The following ARFIP1 variants were observed in gnomAD, a reference collection of about 807,000 sequenced individuals.
ARFIP1 encodes arfaptin-1.
In ARFIP1, 24 loss-of-function variants were observed where a neutral mutation model predicts 42.5. The observed-to-expected ratio is 0.57, with a 90% CI of 0.41 to 0.80. The LOEUF (loss-of-function observed/expected upper bound fraction) is 0.80. Ranked by LOEUF, ARFIP1 falls within the 30% of genes least tolerant of loss-of-function variation. The probability of loss-of-function intolerance (pLI) is 0.00; values close to 1 mark genes in which losing one functional copy is unlikely to be tolerated. For missense variants in ARFIP1, 354 were observed against 434.0 expected (o/e 0.82, Z 1.64); for synonymous variants, 141 against 153.7 (o/e 0.92, Z 0.61).
At chr4:152,894,314 C>T (rs1338785128) in intron 8 of ARFIP1, among the ~76,000 whole-genome samples, 6 of 151,820 alleles carry the variant, frequency 4.0e-5, no homozygotes, top group Admixed American at 3.3e-4. Flanking sequence ...TCTTTGCTTA[C>T]TAAAACTTCT....
chr4:152,862,255 G>A (rs540598260), intron 2 of ARFIP1, among the ~76,000 whole-genome samples: 45 of 152,046 alleles, frequency 3.0e-4, no homozygotes, highest in Admixed American at 2.3e-3. Context: ...TCCCTCCAGC[G>A]TTCCATATCA....
At chr4:152,815,268 G>C (rs75020592) in intron 1 of ARFIP1, among the ~76,000 whole-genome samples, 2,491 of 152,078 alleles carry the variant, frequency 0.016, 68 homozygotes, top group African/African-American at 0.056. Context: ...TGGCTGCTTT[G>C]GGATTGCAAC....
intron 1 of ARFIP1, among the ~76,000 whole-genome samples, chr4:152,817,270 C>T (rs971252223): frequency 4.6e-5 from 7 of 152,104 alleles, no homozygotes; most frequent in Admixed American, 2.6e-4. Context: ...AACTTAACTC[C>T]AGTAGCCACA....
chr4:152,883,777 A>AT (rs1287302314), intron 7 of ARFIP1, among the ~76,000 whole-genome samples: 7 of 151,422 alleles, frequency 4.6e-5, no homozygotes, highest in Admixed American at 1.3e-4. Context: ...TCCAGGCCCA[A>AT]TTTTTTCCCC....
At chr4:152,908,407 C>G (rs59092007) in intron 8 of ARFIP1, among the ~76,000 whole-genome samples, 6 of 152,106 alleles carry the variant, frequency 3.9e-5, no homozygotes, top group Non-Finnish European at 7.4e-5. Flanking sequence ...GGGCAGATCA[C>G]GAGACGGTCT....
At chr4:152,820,464 TG>T (rs1345895239) in intron 1 of ARFIP1, among the ~76,000 whole-genome samples, 3 of 152,134 alleles carry the variant, frequency 2.0e-5, no homozygotes, top group Non-Finnish European at 4.4e-5. Context: ...TATCTGAGAC[TG>T]GGTAATTTAT....
intron 3 of ARFIP1, among the ~76,000 whole-genome samples, chr4:152,864,127 T>C (rs1734122212): frequency 6.6e-6 from 1 of 152,342 alleles, no homozygotes; most frequent in South Asian, 2.1e-4. Flanking sequence ...ACCACACTCA[T>C]TAAAAGTTTG....
intron 2 of ARFIP1, among the ~76,000 whole-genome samples, chr4:152,854,437 A>C (rs1240412219): frequency 6.6e-6 from 1 of 152,054 alleles, no homozygotes; most frequent in Admixed American, 6.5e-5. Context: ...GAGAATCAGT[A>C]GTTTGAATTC....
chr4:152,865,674 A>T lies in ARFIP1; in HGVS notation c.202+1960A>T, dbSNP rs556368078. Among the ~76,000 whole-genome samples the T allele has an allele frequency of 8.7e-4, 133 of 152,214 alleles. 2 individuals carry two copies. The highest frequency in any genetic ancestry group is 8.7e-3 in the Admixed American group (133 of 15,286). ...CAATCACGTCAGTGTCTTAGTAGTC[A>T]TTCTGAAGCATCATGGCATTCTTAT... On this transcript the variant is annotated intron_variant, in intron 3 of 8. Transcript: ENST00000353617.
intron 1 of ARFIP1, among the ~76,000 whole-genome samples, chr4:152,825,224 C>G (rs1279556057): frequency 6.6e-6 from 1 of 151,688 alleles, no homozygotes; most frequent in Non-Finnish European, 1.5e-5. Context: ...CATATGGAAC[C>G]AAAAAAGAGC....
At chr4:152,793,832 C>T (rs1261600269) in intron 1 of ARFIP1, among the ~76,000 whole-genome samples, 2 of 152,084 alleles carry the variant, frequency 1.3e-5, no homozygotes, top group African/African-American at 2.4e-5. Context: ...CAAATGATAA[C>T]TCCTATTTCA....
chr4:152,824,296 G>A (rs1443896966), intron 1 of ARFIP1, among the ~76,000 whole-genome samples: 47 of 149,942 alleles, frequency 3.1e-4, no homozygotes, highest in African/African-American at 1.1e-3. Context: ...CTGGGCGACA[G>A]AGCAAGACTC....
chr4:152,796,323 T>C, intron 1 of ARFIP1: 1 of 789,142 alleles, frequency 1.3e-6, no homozygotes, highest in Admixed American at 2.2e-5. Context: ...TGCAAGCCCA[T>C]TGGCCTGATG....
chr4:152,893,151 A>G (rs1476212525), intron 8 of ARFIP1, among the ~76,000 whole-genome samples: 4 of 152,242 alleles, frequency 2.6e-5, no homozygotes, highest in Non-Finnish European at 4.4e-5. Context: ...GCAGGTATAT[A>G]GTACTCATTC....
intron 1 of ARFIP1, among the ~76,000 whole-genome samples, chr4:152,805,629 A>G (rs1266440104): frequency 6.6e-6 from 1 of 152,260 alleles, no homozygotes. Context: ...TTGATTTGGC[A>G]GAGCCTAGAT....
At chr4:152,901,418 A>G (rs749049466) in intron 8 of ARFIP1, among the ~76,000 whole-genome samples, 1 of 152,184 alleles carries the variant, frequency 6.6e-6, no homozygotes. Flanking sequence ...CTTAGTAGTC[A>G]GTGTTAGAGT....
chr4:152,868,041 C>T (rs1017364992), intron 3 of ARFIP1, among the ~76,000 whole-genome samples: 1 of 152,180 alleles, frequency 6.6e-6, no homozygotes, highest in Non-Finnish European at 1.5e-5. Flanking sequence ...TGTGTTAGCT[C>T]TCTGGAAAGA....
chr4:152,803,993 T>TATAATATAA (rs897926544), intron 1 of ARFIP1, among the ~76,000 whole-genome samples: 1 of 136,220 alleles, frequency 7.3e-6, no homozygotes, highest in Non-Finnish European at 1.5e-5. Flanking sequence ...ATTTTATATA[T>TATAATATAA]ATAATATAAC....
intron 2 of ARFIP1, among the ~76,000 whole-genome samples, chr4:152,855,944 T>C (rs1018108610): frequency 5.3e-5 from 8 of 152,214 alleles, no homozygotes; most frequent in Non-Finnish European, 1.0e-4. Flanking sequence ...CTGTCACTTT[T>C]CTGTTGGATT....
Sources: gnomAD v4.1 joint callset for allele counts (sites outside exome capture counted in the v4.1 genomes callset) on GRCh38, gnomAD v4.1.1 for gene constraint, MANE v1.5 for transcripts, NCBI Gene and HGNC (gene_info 2026-07-23, HGNC 2026-07-21) for gene names.